The following LEPROT variants were observed in gnomAD, a reference collection of about 807,000 sequenced individuals.
LEPROT encodes leptin receptor gene-related protein.
In LEPROT, 3 loss-of-function variants were observed where a neutral mutation model predicts 15.4. That is an observed-to-expected ratio of 0.19 (90% CI 0.09 to 0.50). LEPROT has a LOEUF of 0.50. Ranked by LOEUF, LEPROT falls within the 20% of genes least tolerant of loss-of-function variation. The probability of loss-of-function intolerance (pLI) is 0.97; values close to 1 mark genes in which losing one functional copy is unlikely to be tolerated. For missense variants in LEPROT, 137 were observed against 162.2 expected, an observed-to-expected ratio of 0.84 and a Z score of 0.84; for synonymous variants, 59 against 57.5, an observed-to-expected ratio of 1.03 and a Z score of -0.12.
At chr1:65,422,048 A>C (rs1036941438) in intron 1 of LEPROT, among the ~76,000 whole-genome samples, 3 of 152,240 alleles carry the variant, frequency 2.0e-5, no homozygotes, top group Non-Finnish European at 4.4e-5. Flanking sequence ...TGTTGGGCTC[A>C]GATGCGGTGG....
intron 1 of LEPROT, among the ~76,000 whole-genome samples, chr1:65,423,465 A>G (rs1279016041): frequency 2.6e-5 from 4 of 152,192 alleles, no homozygotes; most frequent in African/African-American, 9.6e-5. Flanking sequence ...TGCAGTACCT[A>G]GCTTTGACAG....
rs1646529002 is a variant in LEPROT at position 65,434,341 on chromosome 1, A to G, written c.*2422A>G. 6 of 985,184 alleles carry G rather than the reference A, an allele frequency of 6.1e-6. No individual in the cohort carries two copies. Among genetic ancestry groups the G allele is most frequent in the Admixed American group, 6.1e-5 (1 of 16,278 alleles). The allele number at this position is 985,184 out of a possible 1,614,324, so 61.0% of individuals were successfully genotyped here. Reference sequence around the variant, plus strand: ...AGGCTCTTTTTTTATATATTGTACAATATATTTGGAGATTCAGAGCATAGT... The same window carrying G: ...AGGCTCTTTTTTTATATATTGTACAGTATATTTGGAGATTCAGAGCATAGT... On this transcript the variant is annotated 3_prime_UTR_variant, in exon 4 of 4. Transcript: ENST00000371065.
intron 3 of LEPROT, 90 bp from the exon 4 acceptor site, chr1:65,431,713 T>A: frequency 7.5e-7 from 1 of 1,336,860 alleles, no homozygotes; most frequent in African/African-American, 1.5e-5. Flanking sequence ...AACATTTCAT[T>A]GGATGTTTCT....
At position 65,434,041 on chromosome 1, in the gene LEPROT, T is replaced by G. The variant is rs1265708562; in HGVS notation, c.*2122T>G. The G allele has an allele frequency of 1.0e-6, 1 of 985,226 alleles. No individual in the cohort carries two copies. The highest frequency in any genetic ancestry group is 1.2e-6 in the Non-Finnish European group (1 of 829,848). The allele number at this position is 985,226 out of a possible 1,614,324, so 61.0% of individuals were successfully genotyped here. A position where few individuals can be genotyped will look rare whatever the true frequency, so the allele number is the denominator to read the frequency against. ...CATTTTGCAAAAGTGTTTTTGTTGCTTATACACATTTTCAATAACCAAGGT... is the reference window on the plus strand; with the variant it reads ...CATTTTGCAAAAGTGTTTTTGTTGCGTATACACATTTTCAATAACCAAGGT... On this transcript the variant is annotated 3_prime_UTR_variant, in exon 4 of 4. Transcript: ENST00000371065.
Position 65,433,438 on chromosome 1 carries a change from G to A in LEPROT, c.*1519G>A. ...TTTGTCTAAGATCTATTGAGAAAGGGAAATATGGGAAGGAGAACCATTTGA... is the reference window on the plus strand; with the variant it reads ...TTTGTCTAAGATCTATTGAGAAAGGAAAATATGGGAAGGAGAACCATTTGA... On this transcript the variant is annotated 3_prime_UTR_variant, in exon 4 of 4. Transcript: ENST00000371065. 1 of 985,404 alleles carries A rather than the reference G, an allele frequency of 1.0e-6. No homozygotes were observed. The highest frequency in any genetic ancestry group is 1.2e-6 in the Non-Finnish European group (1 of 829,928). The allele number at this position is 985,404 out of a possible 1,614,324, so 61.0% of individuals were successfully genotyped here.
At chr1:65,431,700 T>C in intron 3 of LEPROT, 103 bp from the exon 4 acceptor site, 1 of 1,216,794 alleles carries the variant, frequency 8.2e-7, no homozygotes, top group Non-Finnish European at 1.2e-6. Context: ...AGCAGCTTTG[T>C]GTAACATTTC....
Position 65,420,705 on chromosome 1 carries a change from G to A in LEPROT, c.-20G>A. ...CCGTGGCAGGAAGCCGGAAGCAGCCGCGGCCCCAGTTCGGGAGACATGGCG... is the reference window on the plus strand; with the variant it reads ...CCGTGGCAGGAAGCCGGAAGCAGCCACGGCCCCAGTTCGGGAGACATGGCG... On this transcript the variant is annotated 5_prime_UTR_variant, in exon 1 of 4. Transcript: ENST00000371065. 1 of 1,578,748 alleles carries A rather than the reference G, an allele frequency of 6.3e-7. No homozygotes were observed. The highest frequency in any genetic ancestry group is 2.3e-5 in the East Asian group (1 of 43,142).
At chr1:65,421,123 A>G (rs1252677828) in intron 1 of LEPROT, among the ~76,000 whole-genome samples, 2 of 152,172 alleles carry the variant, frequency 1.3e-5, no homozygotes, top group African/African-American at 4.8e-5. Flanking sequence ...CCTATTTGCC[A>G]CAAAGGACCC....
At chr1:65,429,644 G>A (rs1646448142) in intron 2 of LEPROT, among the ~76,000 whole-genome samples, 1 of 152,026 alleles carries the variant, frequency 6.6e-6, no homozygotes, top group Non-Finnish European at 1.5e-5. Context: ...TTATATAGTG[G>A]CTTCTTAACA....
chr1:65,420,778 G>C (rs1368224884), intron 1 of LEPROT, 38 bp downstream of exon 1: 3 of 1,569,020 alleles, frequency 1.9e-6, no homozygotes, highest in Non-Finnish European at 2.6e-6. Flanking sequence ...CGTGTGGTGG[G>C]GTTGCCACCT....
At position 65,432,302 on chromosome 1, in the gene LEPROT, T is replaced by G. The variant is rs1169052375; in HGVS notation, c.*383T>G. The G allele has an allele frequency of 2.0e-6, 2 of 993,078 alleles. No individual in the cohort carries two copies. The highest frequency in any genetic ancestry group is 1.7e-5 in the African/African-American group (1 of 57,244). The allele number at this position is 993,078 out of a possible 1,614,324, so 61.5% of individuals were successfully genotyped here. Reference sequence around the variant, plus strand: ...CTCTCATGACCCAGGAAGGCCGGGGTGGATCCCTCTTTGTGTTGTAGTCCA... The same window carrying G: ...CTCTCATGACCCAGGAAGGCCGGGGGGGATCCCTCTTTGTGTTGTAGTCCA... On this transcript the variant is annotated 3_prime_UTR_variant, in exon 4 of 4. Coordinates refer to ENST00000371065, the MANE Select transcript of LEPROT (RefSeq NM_017526.5).
Position 65,435,217 on chromosome 1 carries a change from TTTCTTACTGTCC to T in LEPROT, c.*3300_*3311del. 1.0e-6 allele frequency: 1 copy of T among 985,410 alleles called. No individual in the cohort carries two copies. Among genetic ancestry groups the T allele is most frequent in the East Asian group, 1.1e-4 (1 of 8,818 alleles). 61.0% of individuals were successfully genotyped at this position (985,410 alleles called of 1,614,324 possible). A position where few individuals can be genotyped will look rare whatever the true frequency, so the allele number is the denominator to read the frequency against. ...TCTTCCACTTAAGAACTCATAGATT[TTTCTTACTGTCC>T]TAAGGAAGTCCTTACCTCTGAGGTA... On this transcript the variant is annotated 3_prime_UTR_variant, in exon 4 of 4. Coordinates refer to ENST00000371065, the MANE Select transcript of LEPROT (RefSeq NM_017526.5).
rs555665919 is a variant in LEPROT at position 65,433,033 on chromosome 1, A to G, written c.*1114A>G. The G allele has an allele frequency of 5.1e-6, 5 of 985,146 alleles. No individual in the cohort carries two copies. The African/African-American group carries it at 7.0e-5, about 14-fold the overall frequency. The allele number at this position is 985,146 out of a possible 1,614,324, so 61.0% of individuals were successfully genotyped here. On this transcript the variant is annotated 3_prime_UTR_variant, in exon 4 of 4. Transcript: ENST00000371065. ...TCATCTGAAAGACAATGCTGGGGGA[A>G]GAGCTCCACTGAGATGCGGGCAGGG...
rs529048699 is a variant in LEPROT at position 65,435,964 on chromosome 1, G to A, written c.*4045G>A. 38 of 985,174 alleles carry A rather than the reference G, an allele frequency of 3.9e-5. No individual in the cohort carries two copies. In the South Asian group the frequency reaches 1.5e-3, roughly 38 times the overall value. The allele number at this position is 985,174 out of a possible 1,614,324, so 61.0% of individuals were successfully genotyped here. On this transcript the variant is annotated 3_prime_UTR_variant, in exon 4 of 4. Coordinates refer to ENST00000371065, the MANE Select transcript of LEPROT (RefSeq NM_017526.5). Reference sequence around the variant, plus strand: ...ACATGTAACCCCAAATGTGATGTGAGAGGACGATTACTTTGTAAATAAAAC... The same window carrying A: ...ACATGTAACCCCAAATGTGATGTGAAAGGACGATTACTTTGTAAATAAAAC...
chr1:65,423,171 T>C (rs9436297), intron 1 of LEPROT, among the ~76,000 whole-genome samples: 19,686 of 152,096 alleles, frequency 0.13, 1,356 homozygotes, highest in African/African-American at 0.15. Flanking sequence ...AAGTCCAGAC[T>C]GGAGGTGGAA....
rs1161778104 is a variant in LEPROT at position 65,435,355 on chromosome 1, CCTTTT to C, written c.*3447_*3451del. 6 of 893,248 alleles carry C rather than the reference CCTTTT, an allele frequency of 6.7e-6. No homozygotes were observed. The East Asian group carries it at 5.9e-4, about 88-fold the overall frequency. 55.3% of individuals were successfully genotyped at this position (893,248 alleles called of 1,614,324 possible). On this transcript the variant is annotated 3_prime_UTR_variant, in exon 4 of 4. Coordinates refer to ENST00000371065, the MANE Select transcript of LEPROT (RefSeq NM_017526.5). ...TGCTTAGGTGGTGTCACAAAATGTGCCTTTTCTTTTCTTTTTTTTTTTTTTTTTTT... is the reference window on the plus strand; with the variant it reads ...TGCTTAGGTGGTGTCACAAAATGTGCCTTTTCTTTTTTTTTTTTTTTTTTT...
chr1:65,431,943 T>C lies in LEPROT; in HGVS notation c.*24T>C. On this transcript the variant is annotated 3_prime_UTR_variant, in exon 4 of 4. Coordinates refer to ENST00000371065, the MANE Select transcript of LEPROT (RefSeq NM_017526.5). ...AGCACTTTATTCTGATTACAGTGCATTGAATTTCTTAGAACTCATACTATC... is the reference window on the plus strand; with the variant it reads ...AGCACTTTATTCTGATTACAGTGCACTGAATTTCTTAGAACTCATACTATC... 6.2e-7 allele frequency: 1 copy of C among 1,606,844 alleles called. No individual in the cohort carries two copies.
chr1:65,435,523 A>T lies in LEPROT; in HGVS notation c.*3604A>T, dbSNP rs908494917. On this transcript the variant is annotated 3_prime_UTR_variant, in exon 4 of 4. Coordinates refer to ENST00000371065, the MANE Select transcript of LEPROT (RefSeq NM_017526.5). ...GCTGGGACTACAGGCTCCCGCCACC[A>T]CGCCTGGCTAATTTTTTTGTATTTT... The T allele has an allele frequency of 1.3e-5, 5 of 388,728 alleles. No individual in the cohort carries two copies. The highest frequency in any genetic ancestry group is 1.1e-4 in the African/African-American group (5 of 45,462). 24.1% of individuals were successfully genotyped at this position (388,728 alleles called of 1,614,324 possible). A position where few individuals can be genotyped will look rare whatever the true frequency, so the allele number is the denominator to read the frequency against.
rs550341325 is a variant in LEPROT, at chr1:65,435,804, T to G, written c.*3885T>G. The G allele has an allele frequency of 9.5e-4, 932 of 981,894 alleles. No individual in the cohort carries two copies. Among genetic ancestry groups the G allele is most frequent in the Non-Finnish European group, 1.1e-3 (898 of 826,820 alleles). 60.8% of individuals were successfully genotyped at this position (981,894 alleles called of 1,614,324 possible). Reference sequence around the variant, plus strand: ...ATATTATGTCTGTAGTAGATAAATATTAGTTGTGCATTTTAATTTAATTCT... The same window carrying G: ...ATATTATGTCTGTAGTAGATAAATAGTAGTTGTGCATTTTAATTTAATTCT... On this transcript the variant is annotated 3_prime_UTR_variant, in exon 4 of 4. Transcript: ENST00000371065.
Sources: allele counts gnomAD v4.1 joint callset (sites outside exome capture counted in the v4.1 genomes callset), GRCh38; gene constraint gnomAD v4.1.1; transcripts MANE v1.5; gene names NCBI Gene and HGNC (gene_info 2026-07-23, HGNC 2026-07-21).